CEP85L: variants seen among roughly 807,000 people sequenced by gnomAD.
CEP85L encodes centrosomal protein of 85 kDa-like.
Under a neutral mutation model 100.3 loss-of-function variants are expected in CEP85L, and 60 were observed. The ratio of observed to expected loss-of-function variants is 0.60; its 90% CI spans 0.49 to 0.74. The LOEUF is 0.74. Ranked by LOEUF, CEP85L falls within the 30% of genes least tolerant of loss-of-function variation. The pLI, the probability that CEP85L is intolerant of heterozygous loss-of-function variation, is 0.00. For synonymous variants in CEP85L, 319 were observed against 322.7 expected, an observed-to-expected ratio of 0.99 and a Z score of 0.12; for missense variants, 973 against 936.2, an observed-to-expected ratio of 1.04 and a Z score of -0.51.
At position 118,575,917 on chromosome 6, in the gene CEP85L, C is replaced by T. The variant is rs9481828; in HGVS notation, c.233-9601G>A. Among the ~76,000 whole-genome samples the T allele has an allele frequency of 4.4e-3, 671 of 152,100 alleles. 6 individuals carry two copies. The highest frequency in any genetic ancestry group is 0.015 in the African/African-American group (624 of 41,510). On this transcript the variant is annotated intron_variant, in intron 2 of 12. Coordinates refer to ENST00000368491, the MANE Select transcript of CEP85L (RefSeq NM_001042475.3). ...CTATACTGAAATGCCCCCAACAGGC[C>T]GCCTCAAGTATTTACTAGTAATAGT...
At chr6:118,494,875 C>G (rs898620316) in intron 5 of CEP85L, among the ~76,000 whole-genome samples, 1 of 151,874 alleles carries the variant, frequency 6.6e-6, no homozygotes, top group African/African-American at 2.4e-5. Context: ...AATTATCAGA[C>G]CAGGGATTTT....
chr6:118,693,609 T>C (rs187774945), intron 1 of CEP85L, among the ~76,000 whole-genome samples: 1 of 152,320 alleles, frequency 6.6e-6, no homozygotes, highest in East Asian at 1.9e-4. Context: ...TGAAAGGCTA[T>C]TGGTTAGCCT....
intron 3 of CEP85L, among the ~76,000 whole-genome samples, chr6:118,543,786 T>G (rs1331038189): frequency 6.6e-6 from 1 of 152,230 alleles, no homozygotes; most frequent in African/African-American, 2.4e-5. Context: ...GAGTGGGTTT[T>G]TCATCTCGAA....
At chr6:118,625,150 T>C (rs1238509992) in intron 2 of CEP85L, among the ~76,000 whole-genome samples, 1 of 152,244 alleles carries the variant, frequency 6.6e-6, no homozygotes, top group Non-Finnish European at 1.5e-5. Flanking sequence ...GTATAAATTT[T>C]AGCATGACTC....
At chr6:118,560,073 T>A (rs1779133956) in intron 3 of CEP85L, 1 of 167,080 alleles carries the variant, frequency 6.0e-6, no homozygotes. Flanking sequence ...AAATATATTA[T>A]CTCAAGTATT....
At chr6:118,593,094 G>T (rs9481830) in intron 2 of CEP85L, among the ~76,000 whole-genome samples, 4,411 of 152,198 alleles carry the variant, frequency 0.029, 107 homozygotes, top group African/African-American at 0.056. Context: ...AAATACATAA[G>T]CAAGGAAAAG....
At chr6:118,552,644 T>C (rs1356408345) in intron 3 of CEP85L, among the ~76,000 whole-genome samples, 1 of 151,818 alleles carries the variant, frequency 6.6e-6, no homozygotes, top group Non-Finnish European at 1.5e-5. Context: ...AAAACCAGAA[T>C]ACCATCTTGA....
chr6:118,495,488 C>T (rs1252005378), intron 5 of CEP85L, among the ~76,000 whole-genome samples: 3 of 152,204 alleles, frequency 2.0e-5, no homozygotes, highest in Non-Finnish European at 2.9e-5. Context: ...TTGCTCAGCA[C>T]TTCTTCCTTC....
intron 1 of CEP85L, among the ~76,000 whole-genome samples, chr6:118,637,147 TCTAA>T (rs961286893): frequency 6.6e-6 from 1 of 152,224 alleles, no homozygotes; most frequent in African/African-American, 2.4e-5. Context: ...CTATCTGTTA[TCTAA>T]CTTTTATACA....
At chr6:118,597,240 C>T (rs910015243) in intron 2 of CEP85L, among the ~76,000 whole-genome samples, 16 of 152,250 alleles carry the variant, frequency 1.1e-4, no homozygotes, top group African/African-American at 3.9e-4. Flanking sequence ...GAGTAATACA[C>T]CCTTGATCTT....
intron 5 of CEP85L, chr6:118,502,392 GT>G: frequency 5.7e-6 from 3 of 526,238 alleles, no homozygotes; most frequent in Non-Finnish European, 7.2e-6. Context: ...TTTGCTGGAT[GT>G]TTTAACAAAA....
At chr6:118,652,026 C>T, upstream of CEP85L, 2 of 484,848 alleles carry the variant, frequency 4.1e-6, no homozygotes, top group Non-Finnish European at 5.4e-6. Context: ...TTTAAATCCT[C>T]ATCTGTATTC....
intron 2 of CEP85L, among the ~76,000 whole-genome samples, chr6:118,587,071 G>T (rs1422565060): frequency 1.3e-5 from 2 of 152,186 alleles, no homozygotes; most frequent in East Asian, 1.9e-4. Context: ...ATCTGCCATG[G>T]CCCATTTGTA....
At chr6:118,598,647 G>C (rs1325285473) in intron 2 of CEP85L, among the ~76,000 whole-genome samples, 1 of 152,162 alleles carries the variant, frequency 6.6e-6, no homozygotes, top group Non-Finnish European at 1.5e-5. Flanking sequence ...AGGCAAGGAA[G>C]AATTCTTCCC....
At chr6:118,594,650 C>T (rs1781366282) in intron 2 of CEP85L, among the ~76,000 whole-genome samples, 1 of 152,012 alleles carries the variant, frequency 6.6e-6, no homozygotes, top group African/African-American at 2.4e-5. Flanking sequence ...TGGTGGATCA[C>T]GAGGTCAGGA....
At chr6:118,678,629 C>T (rs1207818860) in intron 1 of CEP85L, among the ~76,000 whole-genome samples, 5 of 152,228 alleles carry the variant, frequency 3.3e-5, no homozygotes, top group Non-Finnish European at 7.3e-5. Context: ...CTATATAAAT[C>T]ATTGCTTTAT....
chr6:118,477,901 T>C (rs568730792), intron 10 of CEP85L, among the ~76,000 whole-genome samples: 19 of 152,210 alleles, frequency 1.2e-4, no homozygotes, highest in African/African-American at 4.6e-4. Flanking sequence ...TTATATAGTG[T>C]TTTGTGTTAT....
chr6:118,641,380 G>A (rs1774857769), intron 1 of CEP85L, among the ~76,000 whole-genome samples: 1 of 144,008 alleles, frequency 6.9e-6, no homozygotes. Flanking sequence ...CCAATCCACT[G>A]GCAAGCTGCT....
At chr6:118,587,404 C>T (rs1188887585) in intron 2 of CEP85L, among the ~76,000 whole-genome samples, 5 of 152,156 alleles carry the variant, frequency 3.3e-5, no homozygotes, top group Non-Finnish European at 7.4e-5. Flanking sequence ...AAGAACCATA[C>T]TTGGGAGTAA....
Sources: allele counts gnomAD v4.1 joint callset (sites outside exome capture counted in the v4.1 genomes callset), GRCh38; gene constraint gnomAD v4.1.1; transcripts MANE v1.5; gene names NCBI Gene and HGNC (gene_info 2026-07-23, HGNC 2026-07-21).